Variants in NEK7 observed in about 807,000 individuals in gnomAD.
The protein encoded by NEK7 is NIMA related kinase 7, also known as serine/threonine-protein kinase Nek7.
A neutral mutation model predicts 44.6 loss-of-function variants in NEK7; 18 were observed. That is an observed-to-expected ratio of 0.40 (90% confidence interval 0.28 to 0.60). The LOEUF is 0.60. NEK7 is among the 20% of genes least tolerant of loss of function. NEK7 has a pLI of 0.38. For missense variants in NEK7, 256 were observed against 366.5 expected, an observed-to-expected ratio of 0.70 and a Z score of 2.46; for synonymous variants, 130 against 121.1, an observed-to-expected ratio of 1.07 and a Z score of -0.48.
At chr1:198,212,319 A>G (rs901436542) in intron 1 of NEK7, among the ~76,000 whole-genome samples, 5 of 152,210 alleles carry the variant, frequency 3.3e-5, no homozygotes, top group African/African-American at 1.2e-4. Flanking sequence ...GCCAAAGGGC[A>G]TATGGCCTGG....
intron 9 of NEK7, among the ~76,000 whole-genome samples, chr1:198,307,437 T>G (rs12078848): frequency 0.17 from 26,222 of 152,042 alleles, 3,516 homozygotes; most frequent in African/African-American, 0.35. Flanking sequence ...TGGTCTAATT[T>G]AATTAAAGGA....
chr1:198,279,160 A>T, intron 7 of NEK7, 99 bp downstream of exon 7: 1 of 708,612 alleles, frequency 1.4e-6, no homozygotes, highest in Non-Finnish European at 2.4e-6. Context: ...ATTCTTAATA[A>T]AACTATTTTA....
intron 5 of NEK7, among the ~76,000 whole-genome samples, chr1:198,277,133 G>C (rs1274573462): frequency 1.3e-5 from 2 of 151,744 alleles, no homozygotes; most frequent in Non-Finnish European, 3.0e-5. Context: ...TGGGAAACCA[G>C]TTGCATTTTG....
At chr1:198,197,370 T>G (rs1190969060) in intron 1 of NEK7, among the ~76,000 whole-genome samples, 1 of 152,166 alleles carries the variant, frequency 6.6e-6, no homozygotes, top group African/African-American at 2.4e-5. Flanking sequence ...TACTGTGAAG[T>G]TTCTTAATAA....
At chr1:198,179,217 T>G (rs917520768) in intron 1 of NEK7, among the ~76,000 whole-genome samples, 8 of 152,114 alleles carry the variant, frequency 5.3e-5, no homozygotes, top group African/African-American at 1.9e-4. Flanking sequence ...CTATATACTA[T>G]AGTGATTTCT....
chr1:198,240,090 C>A (rs1049568522), intron 2 of NEK7, among the ~76,000 whole-genome samples: 3 of 152,072 alleles, frequency 2.0e-5, no homozygotes, highest in African/African-American at 7.3e-5. Flanking sequence ...CATTAGATGG[C>A]GCATGACTGT....
At chr1:198,298,397 T>C (rs1404282835) in intron 9 of NEK7, among the ~76,000 whole-genome samples, 2 of 152,254 alleles carry the variant, frequency 1.3e-5, no homozygotes, top group Non-Finnish European at 2.9e-5. Context: ...CTTTTTCTTC[T>C]GGTAGTTTTG....
intron 9 of NEK7, among the ~76,000 whole-genome samples, chr1:198,318,821 G>A (rs1655451333): frequency 6.6e-6 from 1 of 151,988 alleles, no homozygotes; most frequent in Admixed American, 6.6e-5. Flanking sequence ...CATCTATAAA[G>A]TGAGGACATT....
At chr1:198,174,816 G>A (rs1437697492) in intron 1 of NEK7, among the ~76,000 whole-genome samples, 2 of 151,970 alleles carry the variant, frequency 1.3e-5, no homozygotes, top group African/African-American at 4.8e-5. Flanking sequence ...GGAGCATTGT[G>A]GCAGGATCAT....
chr1:198,246,756 G>C (rs1022612400), intron 2 of NEK7, among the ~76,000 whole-genome samples: 1 of 152,270 alleles, frequency 6.6e-6, no homozygotes, highest in Admixed American at 6.5e-5. Flanking sequence ...TGTGCAGACA[G>C]AAGATGGAAT....
At chr1:198,219,648 C>T (rs1666030167) in intron 1 of NEK7, among the ~76,000 whole-genome samples, 1 of 151,896 alleles carries the variant, frequency 6.6e-6, no homozygotes, top group Non-Finnish European at 1.5e-5. Context: ...TCCTAGACTT[C>T]ACCACTGTAC....
chr1:198,199,705 T>A (rs1228375014), intron 1 of NEK7, among the ~76,000 whole-genome samples: 1 of 152,218 alleles, frequency 6.6e-6, no homozygotes, highest in Non-Finnish European at 1.5e-5. Flanking sequence ...TTTCTAATTC[T>A]TTTGGTCTTA....
chr1:198,224,834 G>A (rs1666168564), intron 1 of NEK7, among the ~76,000 whole-genome samples: 1 of 152,046 alleles, frequency 6.6e-6, no homozygotes, highest in Non-Finnish European at 1.5e-5. Flanking sequence ...TGAGAATTGT[G>A]GAACTGGGTC....
chr1:198,179,782 C>G (rs7552616), intron 1 of NEK7, among the ~76,000 whole-genome samples: 82,940 of 152,042 alleles, frequency 0.55, 25,563 homozygotes, highest in East Asian at 0.9. Flanking sequence ...CCAGGAAGAA[C>G]CTACAGTTAC....
intron 1 of NEK7, among the ~76,000 whole-genome samples, chr1:198,179,534 A>T (rs1664697341): frequency 6.6e-6 from 1 of 152,136 alleles, no homozygotes; most frequent in African/African-American, 2.4e-5. Flanking sequence ...TTTGGTGTAC[A>T]GCAAGATGCA....
chr1:198,294,110 C>T (rs1654640441), intron 8 of NEK7, among the ~76,000 whole-genome samples: 1 of 151,804 alleles, frequency 6.6e-6, no homozygotes, highest in Non-Finnish European at 1.5e-5. Context: ...ATTCAAATTT[C>T]CTTAATTTAA....
chr1:198,274,442 A>G (rs564041870), intron 5 of NEK7, among the ~76,000 whole-genome samples: 1 of 151,864 alleles, frequency 6.6e-6, no homozygotes, highest in African/African-American at 2.4e-5. Flanking sequence ...CTGCCCATGA[A>G]GCTGACCCTG....
intron 9 of NEK7, among the ~76,000 whole-genome samples, chr1:198,308,945 A>T (rs977941381): frequency 7.2e-5 from 11 of 152,122 alleles, no homozygotes; most frequent in Non-Finnish European, 1.5e-4. Context: ...TTACCCATTC[A>T]TTCTTTCATT....
chr1:198,315,159 C>G (rs1342933011), intron 9 of NEK7, among the ~76,000 whole-genome samples: 1 of 152,182 alleles, frequency 6.6e-6, no homozygotes, highest in Non-Finnish European at 1.5e-5. Flanking sequence ...TTAAGCCCGT[C>G]GGAAAAGCGC....
Sources: allele counts gnomAD v4.1 joint callset (sites outside exome capture counted in the v4.1 genomes callset), GRCh38; gene constraint gnomAD v4.1.1; transcripts MANE v1.5; gene names NCBI Gene and HGNC (gene_info 2026-07-23, HGNC 2026-07-21).